The following SORCS1 variants were observed in gnomAD, a reference collection of about 807,000 sequenced individuals.
SORCS1 encodes the protein VPS10 domain-containing receptor SorCS1.
In SORCS1, 60 loss-of-function variants were observed where a neutral mutation model predicts 146.1. The observed-to-expected ratio is 0.41, with a 90% CI of 0.33 to 0.51. The LOEUF (loss-of-function observed/expected upper bound fraction) is 0.51. SORCS1 is among the 20% of genes least tolerant of loss of function. SORCS1 has a pLI of 0.21. For missense variants in SORCS1, 1,352 were observed against 1,487.6 expected, an observed-to-expected ratio of 0.91 and a Z score of 1.50; for synonymous variants, 637 against 584.0, an observed-to-expected ratio of 1.09 and a Z score of -1.31.
chr10:107,079,151 G>A (rs534383618), intron 1 of SORCS1, among the ~76,000 whole-genome samples: 12 of 152,062 alleles, frequency 7.9e-5, no homozygotes, highest in Middle Eastern at 3.4e-3. Flanking sequence ...ACATGAACCC[G>A]GGAGGTGGAG....
At chr10:106,757,086 G>A (rs937071997) in intron 5 of SORCS1, among the ~76,000 whole-genome samples, 4 of 152,124 alleles carry the variant, frequency 2.6e-5, no homozygotes, top group Admixed American at 2.0e-4. Flanking sequence ...AACCTCCAGT[G>A]CTTTGGTAAC....
At chr10:106,794,782 C>T (rs1262084013) in intron 3 of SORCS1, among the ~76,000 whole-genome samples, 1 of 152,204 alleles carries the variant, frequency 6.6e-6, no homozygotes, top group Non-Finnish European at 1.5e-5. Flanking sequence ...GGATTACAGG[C>T]GTGAGCCACC....
chr10:106,696,973 C>A (rs1056225781), intron 9 of SORCS1, among the ~76,000 whole-genome samples: 1 of 152,016 alleles, frequency 6.6e-6, no homozygotes, highest in Non-Finnish European at 1.5e-5. Context: ...AAGGATAGAA[C>A]GAGGGCTAGG....
chr10:106,851,598 T>C (rs1240099695), intron 2 of SORCS1, among the ~76,000 whole-genome samples: 2 of 152,256 alleles, frequency 1.3e-5, no homozygotes, highest in African/African-American at 4.8e-5. Flanking sequence ...ACTGTCCTGA[T>C]TACTACAAGT....
chr10:106,888,519 T>G (rs988567899), intron 2 of SORCS1, among the ~76,000 whole-genome samples: 2 of 152,214 alleles, frequency 1.3e-5, no homozygotes, highest in Admixed American at 6.5e-5. Context: ...AATAAATATT[T>G]CTTGAATGAA....
At chr10:106,976,740 G>A (rs1044304141) in intron 1 of SORCS1, among the ~76,000 whole-genome samples, 2 of 152,116 alleles carry the variant, frequency 1.3e-5, no homozygotes, top group Non-Finnish European at 2.9e-5. Context: ...TCCCCTCCCT[G>A]TGTCTATGTG....
At chr10:106,849,944 C>T (rs1949479597) in intron 2 of SORCS1, among the ~76,000 whole-genome samples, 3 of 152,162 alleles carry the variant, frequency 2.0e-5, no homozygotes, top group Non-Finnish European at 4.4e-5. Flanking sequence ...TCTGCCCGTT[C>T]TCAGATCTCC....
chr10:106,676,861 A>G (rs1852066865), intron 13 of SORCS1, among the ~76,000 whole-genome samples: 1 of 152,168 alleles, frequency 6.6e-6, no homozygotes, highest in African/African-American at 2.4e-5. Flanking sequence ...AGTATCAAGG[A>G]GCTGAAACTT....
intron 6 of SORCS1, among the ~76,000 whole-genome samples, chr10:106,709,698 C>T: frequency 6.6e-6 from 1 of 152,038 alleles, no homozygotes; most frequent in Non-Finnish European, 1.5e-5. Context: ...TCTGCCTGCC[C>T]TGGCCTCCCA....
chr10:106,998,919 T>G (rs1468427604), intron 1 of SORCS1, among the ~76,000 whole-genome samples: 6 of 152,198 alleles, frequency 3.9e-5, no homozygotes, highest in Non-Finnish European at 8.8e-5. Flanking sequence ...AAGTATGTCC[T>G]TGTATTATTT....
rs374224839 is a variant in SORCS1, at chr10:106,627,380, A to G, written c.2662+1822T>C. Among the ~76,000 whole-genome samples the G allele has an allele frequency of 1.5e-3, 232 of 152,342 alleles. 5 individuals are homozygous for G. The South Asian group carries it at 0.044, about 29-fold the overall frequency. On this transcript the variant is annotated intron_variant, in intron 19 of 25. Transcript: ENST00000263054. ...CACAATTATAATTTGTAAGGAAGCTAGCTCTCTAGCAAAATCACCCCTTAT... is the reference window on the plus strand; with the variant it reads ...CACAATTATAATTTGTAAGGAAGCTGGCTCTCTAGCAAAATCACCCCTTAT...
intron 10 of SORCS1, among the ~76,000 whole-genome samples, chr10:106,687,909 G>A (rs971564910): frequency 1.1e-4 from 16 of 152,164 alleles, no homozygotes; most frequent in Non-Finnish European, 2.4e-4. Flanking sequence ...GATAGAAACT[G>A]TCATATTCTC....
chr10:106,795,968 T>C (rs1487611086), intron 3 of SORCS1, among the ~76,000 whole-genome samples: 1 of 152,156 alleles, frequency 6.6e-6, no homozygotes, highest in East Asian at 1.9e-4. Flanking sequence ...AGTTCAAACA[T>C]CATGTGGTTT....
rs544192073 is a variant in SORCS1 at position 106,751,521 on chromosome 10, TTC to T, written c.959+10065_959+10066del. Among the ~76,000 whole-genome samples the T allele has an allele frequency of 2.6e-5, 4 of 152,288 alleles. No homozygotes were observed. The East Asian group carries it at 5.8e-4, about 22-fold the overall frequency. On this transcript the variant is annotated intron_variant, in intron 5 of 25. Transcript: ENST00000263054. ...TGTGAGAGCAGTCTAGGATGAGTCTTTCTGTTTTTGCTTGAATTTCTCTGGTT... is the reference window on the plus strand; with the variant it reads ...TGTGAGAGCAGTCTAGGATGAGTCTTTGTTTTTGCTTGAATTTCTCTGGTT...
chr10:106,933,303 C>A (rs61867176), intron 2 of SORCS1, among the ~76,000 whole-genome samples: 62,220 of 152,012 alleles, frequency 0.41, 15,663 homozygotes, highest in Non-Finnish European at 0.56. Context: ...GTGTCCTGGG[C>A]TCAGTCCTAG....
At chr10:107,162,183 A>G (rs948973957) in intron 1 of SORCS1, among the ~76,000 whole-genome samples, 2 of 152,218 alleles carry the variant, frequency 1.3e-5, no homozygotes, top group Admixed American at 1.3e-4. Context: ...AGATCTTTCA[A>G]GAGATGAGCT....
intron 2 of SORCS1, among the ~76,000 whole-genome samples, chr10:106,898,211 C>T (rs1951559916): frequency 6.6e-6 from 1 of 152,184 alleles, no homozygotes; most frequent in Non-Finnish European, 1.5e-5. Context: ...TTTCTAATTC[C>T]AGTCTTGTCA....
intron 6 of SORCS1, among the ~76,000 whole-genome samples, chr10:106,712,374 C>A (rs1855058859): frequency 6.6e-6 from 1 of 152,082 alleles, no homozygotes; most frequent in South Asian, 2.1e-4. Context: ...AGCTTAAGTT[C>A]CTTGATGATA....
chr10:106,949,073 C>A (rs993922438), intron 2 of SORCS1, among the ~76,000 whole-genome samples: 3 of 152,074 alleles, frequency 2.0e-5, no homozygotes, highest in African/African-American at 7.2e-5. Context: ...TCCAAAAAGC[C>A]ACAATCCAGA....
Sources: gnomAD v4.1 joint callset for allele counts (sites outside exome capture counted in the v4.1 genomes callset) on GRCh38, gnomAD v4.1.1 for gene constraint, MANE v1.5 for transcripts, NCBI Gene and HGNC (gene_info 2026-07-23, HGNC 2026-07-21) for gene names.